Variants in TNS3 observed in about 807,000 individuals in gnomAD.
TNS3 encodes tensin-3.
A neutral mutation model predicts 140.9 loss-of-function variants in TNS3; 45 were observed. The observed-to-expected ratio is 0.32, with a 90% CI of 0.25 to 0.41. TNS3 has a LOEUF of 0.41. TNS3 is among the 10% of genes least tolerant of loss of function. The probability of loss-of-function intolerance (pLI) is 1.00; values close to 1 mark genes in which losing one functional copy is unlikely to be tolerated. For missense variants in TNS3, 1,716 were observed against 1,906.7 expected, an observed-to-expected ratio of 0.90 and a Z score of 1.86; for synonymous variants, 815 against 788.4, an observed-to-expected ratio of 1.03 and a Z score of -0.56.
rs1396605258 is a variant in TNS3, at chr7:47,280,343, C to T, written c.4109G>A (p.Arg1370Gln). The T allele has an allele frequency of 3.7e-6, 6 of 1,613,978 alleles. No homozygotes were observed. The highest frequency in any genetic ancestry group is 1.7e-5 in the Admixed American group (1 of 59,994). ...CACACTGTTCACGGGGTAATGCCTC[C>T]GGAAGAAGAGCCTGTTGGGACATGG... ...LTDNQRKLFFRRHYPVNSVIF... is the reference protein window; with the variant it reads ...LTDNQRKLFFQRHYPVNSVIF... Residue 1370 changes from arginine to glutamine, a missense_variant, in exon 29 of 31, where the codon CGG (arginine) becomes CAG (glutamine). By Grantham distance (43) the Arg-to-Gln change is conservative. This residue lies in a region of TNS3 where 216 missense variants were observed against 295.7 expected (regional missense o/e 0.73). Coordinates refer to ENST00000311160, the MANE Select transcript of TNS3 (RefSeq NM_022748.12).
chr7:47,420,205 C>T (rs1203552775), intron 10 of TNS3, among the ~76,000 whole-genome samples: 2 of 152,138 alleles, frequency 1.3e-5, no homozygotes, highest in Non-Finnish European at 2.9e-5. Context: ...TCAAATAATG[C>T]CATTTTTACA....
intron 1 of TNS3, among the ~76,000 whole-genome samples, chr7:47,576,862 G>C (rs1363601822): frequency 6.6e-6 from 1 of 152,262 alleles, no homozygotes; most frequent in African/African-American, 2.4e-5. Flanking sequence ...GCCTGGAGCA[G>C]AGCCCGGGCT....
chr7:47,580,668 T>A (rs1784507662), intron 1 of TNS3, among the ~76,000 whole-genome samples: 1 of 151,904 alleles, frequency 6.6e-6, no homozygotes, highest in African/African-American at 2.4e-5. Flanking sequence ...ACTTGTTGAT[T>A]GATTTGCAAA....
chr7:47,443,639 C>T (rs529207965), intron 4 of TNS3, among the ~76,000 whole-genome samples: 29 of 152,216 alleles, frequency 1.9e-4, no homozygotes, highest in African/African-American at 6.7e-4. Flanking sequence ...ATTTAGAATA[C>T]GGCCGGGCAC....
chr7:47,442,767 C>T (rs1367953941), intron 4 of TNS3, among the ~76,000 whole-genome samples: 3 of 152,110 alleles, frequency 2.0e-5, no homozygotes, highest in Non-Finnish European at 4.4e-5. Flanking sequence ...CCAGGTAATG[C>T]TGCACACAGG....
At chr7:47,399,144 G>C (rs1403386054) in intron 15 of TNS3, among the ~76,000 whole-genome samples, 1 of 142,452 alleles carries the variant, frequency 7.0e-6, no homozygotes, top group Non-Finnish European at 1.5e-5. Context: ...CATACGAGGA[G>C]AACTACAAAA....
chr7:47,301,741 C>T (rs1241813822), intron 23 of TNS3, among the ~76,000 whole-genome samples: 1 of 151,840 alleles, frequency 6.6e-6, no homozygotes, highest in Non-Finnish European at 1.5e-5. Flanking sequence ...TTATTAAGTG[C>T]TTATGTAGGT....
intron 1 of TNS3, among the ~76,000 whole-genome samples, chr7:47,573,813 C>T (rs1429618011): frequency 1.3e-5 from 2 of 152,186 alleles, no homozygotes; most frequent in South Asian, 2.1e-4. Flanking sequence ...CAAATGCCCA[C>T]GTTGGAAAAG....
rs776379706 is a variant in TNS3, at chr7:47,368,552, G to A, written c.2094C>T (p.Ser698=). 3 of 1,575,680 alleles carry A rather than the reference G, an allele frequency of 1.9e-6. No individual in the cohort carries two copies. Among genetic ancestry groups the A allele is most frequent in the East Asian group, 2.3e-5 (1 of 44,284 alleles). ...PGSPTLDIDQ[S]IEQLNRLILE... ...GGATCAGCCTGTTGAGCTGCTCGAT[G>A]GACTGGTCGATGTCCAGGGTGGGCG... The change falls in exon 17 of 31, where the codon TCC becomes TCT. Residue 698 remains serine, a synonymous_variant. Transcript: ENST00000311160.
chr7:47,321,768 TC>T (rs1787747780), intron 20 of TNS3, among the ~76,000 whole-genome samples: 1 of 152,200 alleles, frequency 6.6e-6, no homozygotes, highest in South Asian at 2.1e-4. Flanking sequence ...AGAAAGACCT[TC>T]GCTCAAATAG....
At position 47,428,395 on chromosome 7, in the gene TNS3, C is replaced by T. The variant is rs767055092; in HGVS notation, c.325-19G>A. On this transcript the variant is annotated intron_variant, in intron 8 of 30. Coordinates refer to ENST00000311160, the MANE Select transcript of TNS3 (RefSeq NM_022748.12). ...TCCCGCCCTGCAGGAGACAAAAGAT[C>T]AGCTGATTTTCTCTGAAATCCCACA... 2 of 1,396,368 alleles carry T rather than the reference C, an allele frequency of 1.4e-6. No homozygotes were observed. Among genetic ancestry groups the T allele is most frequent in the South Asian group, 3.7e-5 (2 of 54,052 alleles). 86.5% of individuals were successfully genotyped at this position (1,396,368 alleles called of 1,614,324 possible). A position where few individuals can be genotyped will look rare whatever the true frequency, so the allele number is the denominator to read the frequency against.
At chr7:47,306,961 C>T (rs572387063) in intron 20 of TNS3, among the ~76,000 whole-genome samples, 5 of 152,138 alleles carry the variant, frequency 3.3e-5, no homozygotes, top group Admixed American at 1.3e-4. Context: ...TCTAATAGAC[C>T]TTGGTAGAGA....
At chr7:47,503,106 T>A (rs1228211177) in intron 3 of TNS3, among the ~76,000 whole-genome samples, 2 of 152,158 alleles carry the variant, frequency 1.3e-5, no homozygotes, top group African/African-American at 4.8e-5. Flanking sequence ...AACTCCTGCG[T>A]ATGGTCCCTA....
intron 1 of TNS3, among the ~76,000 whole-genome samples, chr7:47,546,641 A>T (rs1044194954): frequency 2.4e-5 from 3 of 123,718 alleles, no homozygotes; most frequent in Non-Finnish European, 1.5e-5. Context: ...CTCCTTATTT[A>T]AAAAAAAAAG....
At chr7:47,325,078 T>C (rs1787955545) in intron 20 of TNS3, among the ~76,000 whole-genome samples, 1 of 152,050 alleles carries the variant, frequency 6.6e-6, no homozygotes, top group South Asian at 2.1e-4. Context: ...ATGGACCGTG[T>C]GGTTTTGTGT....
At chr7:47,339,141 C>T (rs1788799003) in intron 20 of TNS3, among the ~76,000 whole-genome samples, 1 of 152,064 alleles carries the variant, frequency 6.6e-6, no homozygotes, top group Non-Finnish European at 1.5e-5. Flanking sequence ...AACCTTTTCT[C>T]CTACTCTGCA....
chr7:47,390,571 A>C lies in TNS3; in HGVS notation c.1024+6229T>G, dbSNP rs571545814. Among the ~76,000 whole-genome samples the C allele has an allele frequency of 2.6e-5, 4 of 152,320 alleles. No individual in the cohort carries two copies. In the South Asian group the frequency reaches 8.3e-4, roughly 32 times the overall value. ...GAATGTTCATCAAGGTATCCACTTA[A>C]AGTGGCAGAGCCCAGGCCTGGCAAT... is the stretch of plus-strand genomic sequence containing the variant. On this transcript the variant is annotated intron_variant, in intron 16 of 30. Transcript: ENST00000311160.
In TNS3 at chr7:47,275,368, T is replaced by A. The variant is rs1430826496; in HGVS notation, c.*2708A>T. On this transcript the variant is annotated 3_prime_UTR_variant, in exon 31 of 31. Coordinates refer to ENST00000311160, the MANE Select transcript of TNS3 (RefSeq NM_022748.12). ...TGCACAGTGACTTTTAACATGGCTA[T>A]AGCTTAACACTGGAGGAATACAACA... 1 of 153,318 alleles carries A rather than the reference T, an allele frequency of 6.5e-6. No homozygotes were observed. Among genetic ancestry groups the A allele is most frequent in the Non-Finnish European group, 1.5e-5 (1 of 68,472 alleles). The allele number at this position is 153,318 out of a possible 1,614,324, so 9.5% of individuals were successfully genotyped here. A position where few individuals can be genotyped will look rare whatever the true frequency, so the allele number is the denominator to read the frequency against.
intron 4 of TNS3, among the ~76,000 whole-genome samples, chr7:47,477,035 T>C (rs1442594747): frequency 1.3e-5 from 2 of 152,204 alleles, no homozygotes; most frequent in African/African-American, 4.8e-5. Flanking sequence ...TCCTTCTCCA[T>C]TGTGTCTTAA....
Sources: allele counts gnomAD v4.1 joint callset (sites outside exome capture counted in the v4.1 genomes callset), GRCh38; gene constraint gnomAD v4.1.1; regional missense constraint gnomAD v4.1.1; transcripts MANE v1.5; gene names NCBI Gene and HGNC (gene_info 2026-07-23, HGNC 2026-07-21).